MICAL2: variants seen among roughly 807,000 people sequenced by gnomAD.
MICAL2 encodes microtubule associated monooxygenase, calponin and LIM domain containing 2, also known as [F-actin]-monooxygenase MICAL2.
A neutral mutation model predicts 127.3 loss-of-function variants in MICAL2; 77 were observed. The ratio of observed to expected loss-of-function variants is 0.60; its 90% CI spans 0.50 to 0.73. The LOEUF is 0.73. Among genes scored for constraint, MICAL2 ranks in the 30% least tolerant of loss-of-function variants. The pLI is 0.00. For missense variants in MICAL2, 1,351 were observed against 1,434.4 expected (o/e 0.94, Z 0.94); for synonymous variants, 570 against 551.1 (o/e 1.03, Z -0.48).
At chr11:12,358,248 G>C (rs370580762) in intron 34 of MICAL2, 5 of 1,575,174 alleles carry the variant, frequency 3.2e-6, no homozygotes, top group East Asian at 2.2e-5. Flanking sequence ...GAACTCTGCC[G>C]GGGCCCAATC....
chr11:12,171,885 T>G (rs1451380479), intron 3 of MICAL2, among the ~76,000 whole-genome samples: 1 of 152,238 alleles, frequency 6.6e-6, no homozygotes, highest in African/African-American at 2.4e-5. Flanking sequence ...ATATTTTATT[T>G]AACCTAATAT....
At chr11:12,226,806 C>T (rs2706642) in intron 14 of MICAL2, among the ~76,000 whole-genome samples, 1 of 151,582 alleles carries the variant, frequency 6.6e-6, no homozygotes, top group South Asian at 2.1e-4. Flanking sequence ...GTGCCTACCA[C>T]CACGTCTGGC....
At chr11:12,159,229 G>A (rs1382266225) in intron 2 of MICAL2, among the ~76,000 whole-genome samples, 3 of 152,228 alleles carry the variant, frequency 2.0e-5, no homozygotes, top group Non-Finnish European at 4.4e-5. Flanking sequence ...TAGGGGAGGA[G>A]GGGTGGCCAT....
At chr11:12,218,044 C>T (rs1856402382) in intron 8 of MICAL2, among the ~76,000 whole-genome samples, 1 of 152,222 alleles carries the variant, frequency 6.6e-6, no homozygotes, top group South Asian at 2.1e-4. Flanking sequence ...TTCCTATAGC[C>T]ACACAGAAGG....
intron 8 of MICAL2, among the ~76,000 whole-genome samples, chr11:12,219,423 G>A (rs1402920882): frequency 6.6e-6 from 1 of 151,690 alleles, no homozygotes; most frequent in Non-Finnish European, 1.5e-5. Flanking sequence ...AGCTACTGGG[G>A]AGGCTGAGGC....
chr11:12,304,535 T>G (rs1400885048), intron 29 of MICAL2, among the ~76,000 whole-genome samples: 6 of 152,078 alleles, frequency 3.9e-5, no homozygotes, highest in Non-Finnish European at 7.4e-5. Context: ...CTTGGGAGGC[T>G]GAGGCAAGAG....
chr11:12,327,222 A>T (rs1281560361), exon 32 of MICAL2: 1 of 1,551,510 alleles, frequency 6.4e-7, no homozygotes, highest in South Asian at 1.2e-5. Flanking sequence ...AGGGCTTCTG[A>T]GATCCAGGGT....
intron 23 of MICAL2, chr11:12,256,102 T>C (rs1050349156): frequency 3.9e-5 from 8 of 205,072 alleles, no homozygotes; most frequent in African/African-American, 1.8e-4. Flanking sequence ...GTGCATTGGA[T>C]TGAGAAAAAG....
At chr11:12,295,441 C>CTTTTTTTTTTTT (rs373402403), downstream of MICAL2, among the ~76,000 whole-genome samples, 1 of 126,380 alleles carries the variant, frequency 7.9e-6, no homozygotes, top group Non-Finnish European at 1.6e-5. Flanking sequence ...TGCTCAGCCT[C>CTTTTTTTTTTTT]TTTTTTTTTT....
intron 15 of MICAL2, among the ~76,000 whole-genome samples, chr11:12,228,361 G>T (rs1857753321): frequency 6.6e-6 from 1 of 151,642 alleles, no homozygotes; most frequent in South Asian, 2.1e-4. Flanking sequence ...GCCTAGAGAG[G>T]CTAGGTGCCT....
chr11:12,255,470 C>T, intron 22 of MICAL2, 173 bp from the exon 23 acceptor site: 1 of 605,468 alleles, frequency 1.7e-6, no homozygotes, highest in South Asian at 2.0e-5. Flanking sequence ...TTTTCTCCAC[C>T]TCCAGAATCC....
intron 8 of MICAL2, among the ~76,000 whole-genome samples, chr11:12,216,848 A>G (rs1450166647): frequency 6.6e-6 from 1 of 152,146 alleles, no homozygotes; most frequent in African/African-American, 2.4e-5. Flanking sequence ...TTATCTACAA[A>G]ATAGGAATGA....
rs1858506042 is a variant in MICAL2, at chr11:12,187,804, C to T, written c.265-16446C>T. On this transcript the variant is annotated intron_variant, in intron 3 of 27. Transcript: ENST00000683283. ...ACTCCCTGCTGTCTGTGTGGGTGGG[C>T]TTCCCAGGGCACCCTCCCTGGGCTT... 2.0e-5 allele frequency among the ~76,000 whole-genome samples: 3 copies of T among 151,658 alleles called. No individual in the cohort carries two copies. In the South Asian group the frequency reaches 6.3e-4, roughly 32 times the overall value.
intron 34 of MICAL2, among the ~76,000 whole-genome samples, chr11:12,356,229 G>A (rs1939126149): frequency 6.6e-6 from 1 of 152,110 alleles, no homozygotes; most frequent in Non-Finnish European, 1.5e-5. Context: ...TATTCTGTCT[G>A]TACCTGAGCT....
intron 2 of MICAL2, among the ~76,000 whole-genome samples, chr11:12,284,670 C>G (rs1312379442): frequency 6.6e-6 from 1 of 152,132 alleles, no homozygotes; most frequent in Non-Finnish European, 1.5e-5. Flanking sequence ...CTTTGGCCAG[C>G]AGGATGTAGC....
At chr11:12,185,209 GTGGC>G (rs1858069046) in intron 3 of MICAL2, among the ~76,000 whole-genome samples, 1 of 134,988 alleles carries the variant, frequency 7.4e-6, no homozygotes, top group African/African-American at 2.8e-5. Context: ...GGATGGGTGG[GTGGC>G]AGGATGGATG....
intron 22 of MICAL2, chr11:12,254,370 A>C (rs945299785): frequency 6.6e-6 from 1 of 152,282 alleles, no homozygotes; most frequent in African/African-American, 2.4e-5. Context: ...AAGTCTCAGC[A>C]CTGGCCCATG....
At chr11:12,281,552 C>T (rs1043750539) in intron 2 of MICAL2, among the ~76,000 whole-genome samples, 1 of 152,182 alleles carries the variant, frequency 6.6e-6, no homozygotes, top group Non-Finnish European at 1.5e-5. Context: ...CTGCACAGCA[C>T]CGGGGCCATT....
chr11:12,331,529 AC>A (rs1864428668), intron 32 of MICAL2, among the ~76,000 whole-genome samples: 2 of 152,148 alleles, frequency 1.3e-5, no homozygotes, highest in Admixed American at 1.3e-4. Flanking sequence ...CCTCTCCAGG[AC>A]CGGGGAGGTA....
Sources: allele counts gnomAD v4.1 joint callset (sites outside exome capture counted in the v4.1 genomes callset), GRCh38; gene constraint gnomAD v4.1.1; transcripts MANE v1.5; gene names NCBI Gene and HGNC (gene_info 2026-07-23, HGNC 2026-07-21).